RANBP2: variants seen among roughly 807,000 people sequenced by gnomAD.
The protein encoded by RANBP2 is RAN binding protein 2, also known as E3 SUMO-protein ligase RanBP2.
RANBP2 carries 57 observed loss-of-function variants against 303.6 expected under a neutral mutation model. The observed-to-expected ratio is 0.19, with a 90% CI of 0.15 to 0.23. RANBP2 has a LOEUF of 0.23. Ranked by LOEUF, RANBP2 falls within the 10% of genes least tolerant of loss-of-function variation. The pLI is 1.00. For synonymous variants in RANBP2, 1,167 were observed against 1,301.5 expected, an observed-to-expected ratio of 0.90 and a Z score of 2.23; for missense variants, 3,138 against 3,780.8, an observed-to-expected ratio of 0.83 and a Z score of 4.46.
At chr2:108,745,383 G>T (rs2149190383) in intron 7 of RANBP2, among the ~76,000 whole-genome samples, 2 of 147,392 alleles carry the variant, frequency 1.4e-5, no homozygotes, top group African/African-American at 5.1e-5. Flanking sequence ...CCTATGACTG[G>T]ACGTTTTCAG....
At chr2:109,658,243 C>T in the RANBP2 span, among the ~76,000 whole-genome samples, 3 of 150,850 alleles carry the variant, frequency 2.0e-5, no homozygotes, top group East Asian at 2.0e-4. Flanking sequence ...GTCAGGAATT[C>T]GAGACCAGCC....
At chr2:109,396,652 T>A in the RANBP2 span, among the ~76,000 whole-genome samples, 1 of 152,220 alleles carries the variant, frequency 6.6e-6, no homozygotes, top group Non-Finnish European at 1.5e-5. Context: ...CTTCACTGAT[T>A]GACAGCATTG....
the RANBP2 span, among the ~76,000 whole-genome samples, chr2:109,022,074 G>C: frequency 1.3e-5 from 2 of 152,200 alleles, no homozygotes; most frequent in Non-Finnish European, 2.9e-5. Context: ...GCCCCAGCTT[G>C]CTTGTTATAT....
the RANBP2 span, among the ~76,000 whole-genome samples, chr2:109,716,710 C>T: frequency 6.6e-6 from 1 of 152,170 alleles, no homozygotes; most frequent in Non-Finnish European, 1.5e-5. Flanking sequence ...CCATGCCTGG[C>T]TAATGTTTTG....
chr2:109,644,702 C>A, the RANBP2 span, among the ~76,000 whole-genome samples: 1 of 152,184 alleles, frequency 6.6e-6, no homozygotes, highest in Non-Finnish European at 1.5e-5. Flanking sequence ...GCAGTCACAG[C>A]AAGGCTGCCT....
chr2:109,212,736 G>T, the RANBP2 span, among the ~76,000 whole-genome samples: 1 of 152,074 alleles, frequency 6.6e-6, no homozygotes, highest in Non-Finnish European at 1.5e-5. Context: ...TTCTCTCTTT[G>T]CCCGTGGCCC....
In RANBP2 at chr2:108,767,980, G is replaced by A. The variant is rs1268310038; in HGVS notation, c.7441G>A (p.Asp2481Asn). The change falls in exon 20 of 29, where the codon GAT (aspartate) becomes AAT (asparagine). Residue 2481 changes from aspartate (D) to asparagine (N), a missense_variant. Physicochemically the swap from Asp to Asn is conservative, Grantham distance 23. This residue lies in a region of RANBP2 where 92 missense variants were observed against 211.0 expected (regional missense o/e 0.44). Coordinates refer to ENST00000283195, the MANE Select transcript of RANBP2 (RefSeq NM_006267.5). ...AGAAGAAACCACAAGAGAGAGGACAGATGTTATTCAGGGTGATGATGTAGC... is the reference window on the plus strand; with the variant it reads ...AGAAGAAACCACAAGAGAGAGGACAAATGTTATTCAGGGTGATGATGTAGC... ...VLEETTRERT[D>N]VIQGDDVADA... is the part of the protein sequence containing the mutation. 1 of 1,611,828 alleles carries A rather than the reference G, an allele frequency of 6.2e-7. No individual in the cohort carries two copies. Among genetic ancestry groups the A allele is most frequent in the African/African-American group, 1.3e-5 (1 of 74,832 alleles).
chr2:109,225,755 C>G, the RANBP2 span, among the ~76,000 whole-genome samples: 1 of 152,186 alleles, frequency 6.6e-6, no homozygotes, highest in Non-Finnish European at 1.5e-5. Flanking sequence ...AAGTTAGTTT[C>G]AAGTTTGCTT....
chr2:108,948,458 C>T, the RANBP2 span, among the ~76,000 whole-genome samples: 8 of 152,266 alleles, frequency 5.3e-5, no homozygotes, highest in East Asian at 1.9e-4. Context: ...TGTATTAGTC[C>T]GTTCTCACAC....
chr2:109,670,431 G>A, the RANBP2 span, among the ~76,000 whole-genome samples: 1 of 151,926 alleles, frequency 6.6e-6, no homozygotes, highest in East Asian at 1.9e-4. Context: ...ATCGGGGAGT[G>A]GATTGGGTGC....
the RANBP2 span, among the ~76,000 whole-genome samples, chr2:109,571,257 A>G: frequency 6.6e-6 from 1 of 152,228 alleles, no homozygotes; most frequent in South Asian, 2.1e-4. Flanking sequence ...CCAGTCTCAG[A>G]TAGTTCTTTA....
At chr2:108,933,473 G>A in the RANBP2 span, among the ~76,000 whole-genome samples, 1 of 152,188 alleles carries the variant, frequency 6.6e-6, no homozygotes, top group Non-Finnish European at 1.5e-5. Flanking sequence ...AAGCACAGCA[G>A]TGGTCCTGGG....
intron 8 of RANBP2, 100 bp from the exon 9 acceptor site, chr2:108,748,820 T>TA: frequency 1.2e-6 from 2 of 1,608,384 alleles, no homozygotes; most frequent in Non-Finnish European, 8.5e-7. Flanking sequence ...AGGTATGCAG[T>TA]AATCATGTTA....
At chr2:108,741,362 A>G (rs1331402113) in intron 7 of RANBP2, among the ~76,000 whole-genome samples, 1 of 150,092 alleles carries the variant, frequency 6.7e-6, no homozygotes. Flanking sequence ...ACACCCAGCT[A>G]ATTTTTTGTA....
chr2:108,814,724 A>G, the RANBP2 span, among the ~76,000 whole-genome samples: 2 of 146,968 alleles, frequency 1.4e-5, no homozygotes, highest in African/African-American at 5.0e-5. Flanking sequence ...GCTGGAGTGC[A>G]GTGGTGCAAC....
chr2:108,904,502 A>C, the RANBP2 span, among the ~76,000 whole-genome samples: 96 of 152,308 alleles, frequency 6.3e-4, no homozygotes, highest in African/African-American at 2.3e-3. Flanking sequence ...CCACACAAAA[A>C]CCTATACACA....
intron 4 of RANBP2, among the ~76,000 whole-genome samples, chr2:108,733,434 T>A (rs1695337219): frequency 6.6e-6 from 1 of 152,010 alleles, no homozygotes; most frequent in Non-Finnish European, 1.5e-5. Flanking sequence ...TGCCCAGCCT[T>A]AACCATTCAC....
At chr2:108,950,449 T>A in the RANBP2 span, among the ~76,000 whole-genome samples, 1 of 152,108 alleles carries the variant, frequency 6.6e-6, no homozygotes, top group Non-Finnish European at 1.5e-5. Flanking sequence ...TAGAGCATGT[T>A]GTATTTCTGT....
At chr2:109,047,123 C>G in the RANBP2 span, among the ~76,000 whole-genome samples, 1 of 152,032 alleles carries the variant, frequency 6.6e-6, no homozygotes, top group Non-Finnish European at 1.5e-5. Context: ...CCTCTGGCAG[C>G]AAAATCCTTG....
Sources: allele counts gnomAD v4.1 joint callset (sites outside exome capture counted in the v4.1 genomes callset), GRCh38; gene constraint gnomAD v4.1.1; regional missense constraint gnomAD v4.1.1; transcripts MANE v1.5; gene names NCBI Gene and HGNC (gene_info 2026-07-23, HGNC 2026-07-21).